Variants in SLC35F3 observed in about 807,000 individuals in gnomAD.
SLC35F3 encodes the protein putative thiamine transporter SLC35F3.
SLC35F3 carries 25 observed loss-of-function variants against 49.9 expected under a neutral mutation model. That is an observed-to-expected ratio of 0.50 (90% CI 0.37 to 0.70). The LOEUF is 0.70. Ranked by LOEUF, SLC35F3 falls within the 30% of genes least tolerant of loss-of-function variation. SLC35F3 has a pLI of 0.00. For synonymous variants in SLC35F3, 275 were observed against 265.4 expected (o/e 1.04, Z -0.35); for missense variants, 525 against 639.8 (o/e 0.82, Z 1.94).
intron 2 of SLC35F3, among the ~76,000 whole-genome samples, chr1:234,227,847 A>T (rs984733937): frequency 6.6e-6 from 1 of 152,218 alleles, no homozygotes; most frequent in Non-Finnish European, 1.5e-5. Flanking sequence ...TAGCTTCCTC[A>T]TTGTAACTCC....
rs758228280 is a variant in SLC35F3 at position 234,027,786 on chromosome 1, G to A, written c.283+122028G>A. ...GGAGCCTGCGCCAGTTTAGCACTGG[G>A]TATTTAGCAGGGAACACAATGAACC... On this transcript the variant is annotated intron_variant, in intron 2 of 7. Coordinates refer to ENST00000366618, the MANE Select transcript of SLC35F3 (RefSeq NM_173508.4). The surrounding 1 kb of genome is among the most constrained non-coding windows in gnomAD (Gnocchi z 4.1). Among the ~76,000 whole-genome samples, 1 of 152,124 alleles carries A rather than the reference G, an allele frequency of 6.6e-6. No individual in the cohort carries two copies. The highest frequency in any genetic ancestry group is 1.5e-5 in the Non-Finnish European group (1 of 68,026).
intron 2 of SLC35F3, among the ~76,000 whole-genome samples, chr1:233,971,151 T>C (rs78907019): frequency 0.075 from 11,445 of 152,264 alleles, 630 homozygotes; most frequent in East Asian, 0.23. Context: ...GATATACATC[T>C]GACTGGGGTG....
chr1:234,087,079 T>C (rs903394186), intron 2 of SLC35F3, among the ~76,000 whole-genome samples: 1 of 152,204 alleles, frequency 6.6e-6, no homozygotes, highest in African/African-American at 2.4e-5. Context: ...TTGGCAAAGA[T>C]GTGGATAAGA....
chr1:234,160,875 A>G (rs1666217774), intron 2 of SLC35F3, among the ~76,000 whole-genome samples: 1 of 152,208 alleles, frequency 6.6e-6, no homozygotes, highest in Non-Finnish European at 1.5e-5. Flanking sequence ...ATCACTTATA[A>G]AATTGGGTAT....
chr1:234,081,916 T>TTTTTTTTTTTTTTTTTTG (rs1664883093), intron 2 of SLC35F3, among the ~76,000 whole-genome samples: 1 of 119,318 alleles, frequency 8.4e-6, no homozygotes, highest in Non-Finnish European at 1.8e-5. Context: ...TTTTTTTTTT[T>TTTTTTTTTTTTTTTTTTG]TTTTTTTTTT....
intron 3 of SLC35F3, among the ~76,000 whole-genome samples, chr1:234,265,230 G>A (rs1267706232): frequency 1.3e-5 from 2 of 152,148 alleles, no homozygotes; most frequent in Non-Finnish European, 2.9e-5. Context: ...AACCCTTCAT[G>A]TTCTATTCCT....
chr1:234,086,886 T>C (rs1664969147), intron 2 of SLC35F3, among the ~76,000 whole-genome samples: 1 of 152,234 alleles, frequency 6.6e-6, no homozygotes, highest in Non-Finnish European at 1.5e-5. Context: ...TTCTGACTTA[T>C]CGTCCCTGCC....
At chr1:233,965,435 A>C (rs990883491) in intron 2 of SLC35F3, among the ~76,000 whole-genome samples, 1 of 152,182 alleles carries the variant, frequency 6.6e-6, no homozygotes, top group Non-Finnish European at 1.5e-5. Flanking sequence ...AGAATACAGC[A>C]AAAAGAGTGG....
At chr1:234,119,624 T>C (rs12140042) in intron 2 of SLC35F3, among the ~76,000 whole-genome samples, 22,314 of 152,112 alleles carry the variant, frequency 0.15, 3,079 homozygotes, top group African/African-American at 0.36. Flanking sequence ...AATCTAATCA[T>C]TAGATAATTG....
chr1:234,314,151 C>A (rs902170094), intron 4 of SLC35F3, among the ~76,000 whole-genome samples: 1 of 152,148 alleles, frequency 6.6e-6, no homozygotes, highest in Non-Finnish European at 1.5e-5. Flanking sequence ...AGGAGGAGAT[C>A]AGAGTCCCCC....
chr1:234,154,545 T>A (rs1287987428), intron 2 of SLC35F3, among the ~76,000 whole-genome samples: 1 of 152,170 alleles, frequency 6.6e-6, no homozygotes, highest in African/African-American at 2.4e-5. Flanking sequence ...CTGGGATCTC[T>A]TATAATACCA....
At chr1:233,999,031 G>A (rs939166513) in intron 2 of SLC35F3, among the ~76,000 whole-genome samples, 2 of 152,110 alleles carry the variant, frequency 1.3e-5, no homozygotes, top group African/African-American at 4.8e-5. Flanking sequence ...CAATACAGAC[G>A]GCAGCTGTCA....
chr1:234,087,012 T>A (rs929253403), intron 2 of SLC35F3, among the ~76,000 whole-genome samples: 1 of 152,246 alleles, frequency 6.6e-6, no homozygotes, highest in Non-Finnish European at 1.5e-5. Context: ...TTCAAAGCTT[T>A]GAGCCTGAGC....
At chr1:234,061,894 T>C (rs796928596) in intron 2 of SLC35F3, among the ~76,000 whole-genome samples, 3 of 152,324 alleles carry the variant, frequency 2.0e-5, no homozygotes, top group African/African-American at 7.2e-5. Context: ...ATGGTTTCTT[T>C]TCGTTTTTTT....
intron 2 of SLC35F3, among the ~76,000 whole-genome samples, chr1:234,076,987 G>GTT (rs1025001276): frequency 5.4e-4 from 73 of 134,780 alleles, no homozygotes; most frequent in African/African-American, 2.0e-3. Flanking sequence ...AAAGAAAGAG[G>GTT]TTTTTTTTTT....
At position 233,966,544 on chromosome 1, in the gene SLC35F3, A is replaced by G. The variant is rs964173709; in HGVS notation, c.283+60786A>G. 3.3e-5 allele frequency among the ~76,000 whole-genome samples: 5 copies of G among 152,344 alleles called. No individual in the cohort carries two copies. The East Asian group carries it at 9.7e-4, about 29-fold the overall frequency. ...ACCTAATCTGGATGGGGAAAGCCCA[A>G]TCAGAACTAATCTGGATGGGAGATA... On this transcript the variant is annotated intron_variant, in intron 2 of 7. Transcript: ENST00000366618.
At chr1:234,129,133 TAGA>T (rs1466314124) in intron 2 of SLC35F3, among the ~76,000 whole-genome samples, 1 of 152,262 alleles carries the variant, frequency 6.6e-6, no homozygotes, top group South Asian at 2.1e-4. Flanking sequence ...AGAAGGCAAG[TAGA>T]AGAAGATATT....
intron 2 of SLC35F3, among the ~76,000 whole-genome samples, chr1:233,967,708 C>T (rs1163683838): frequency 6.6e-6 from 1 of 152,140 alleles, no homozygotes; most frequent in Non-Finnish European, 1.5e-5. Context: ...TTAATTTAGT[C>T]TGAGAAACAA....
chr1:233,999,273 C>T (rs1276608864), intron 2 of SLC35F3, among the ~76,000 whole-genome samples: 2 of 152,120 alleles, frequency 1.3e-5, no homozygotes, highest in Admixed American at 6.6e-5. Context: ...GCACCAATTC[C>T]GAGTGATCAT....
Sources: allele counts gnomAD v4.1 joint callset (sites outside exome capture counted in the v4.1 genomes callset), GRCh38; gene constraint gnomAD v4.1.1; non-coding constraint Gnocchi (gnomAD v3.1); transcripts MANE v1.5; gene names NCBI Gene and HGNC (gene_info 2026-07-23, HGNC 2026-07-21).